AFG2A: variants seen among roughly 807,000 people sequenced by gnomAD.
The protein encoded by AFG2A is ATPase family gene 2 protein homolog A.
the AFG2A span, among the ~76,000 whole-genome samples, chr4:123,263,794 CAG>C: frequency 3.9e-5 from 6 of 152,276 alleles, no homozygotes; most frequent in East Asian, 1.2e-3. Flanking sequence ...CTATGGAAAA[CAG>C]TGTAGAGATT....
chr4:123,120,606 C>T, the AFG2A span, among the ~76,000 whole-genome samples: 1 of 152,144 alleles, frequency 6.6e-6, no homozygotes, highest in African/African-American at 2.4e-5. Context: ...CAACATCAGA[C>T]TGCATGTACA....
At chr4:123,068,979 C>T in the AFG2A span, among the ~76,000 whole-genome samples, 2 of 152,058 alleles carry the variant, frequency 1.3e-5, no homozygotes, top group East Asian at 1.9e-4. Flanking sequence ...TCAAAGAACT[C>T]CAAAAAGAAT....
chr4:122,941,043 G>T, the AFG2A span, among the ~76,000 whole-genome samples: 1 of 150,098 alleles, frequency 6.7e-6, no homozygotes, highest in Non-Finnish European at 1.5e-5. Context: ...TGGCCTTGTA[G>T]TATAGTTTGA....
At chr4:123,084,548 ATATC>A in the AFG2A span, among the ~76,000 whole-genome samples, 4 of 151,152 alleles carry the variant, frequency 2.6e-5, no homozygotes, top group African/African-American at 7.3e-5. Context: ...TTATAGATAT[ATATC>A]TATAAAACTA....
chr4:123,177,379 GACGGGGTTTC>G, the AFG2A span, among the ~76,000 whole-genome samples: 1 of 151,946 alleles, frequency 6.6e-6, no homozygotes, highest in Non-Finnish European at 1.5e-5. Context: ...TTTTAGTAGA[GACGGGGTTTC>G]ACCGTGTTGG....
At chr4:123,086,081 G>C in the AFG2A span, among the ~76,000 whole-genome samples, 109,054 of 151,916 alleles carry the variant, frequency 0.72, 39,794 homozygotes, top group East Asian at 0.97. Flanking sequence ...ACAAGCTTTT[G>C]TTAGATCAGT....
chr4:122,962,090 G>T, the AFG2A span, among the ~76,000 whole-genome samples: 3 of 152,114 alleles, frequency 2.0e-5, no homozygotes, highest in Admixed American at 6.5e-5. Context: ...TTTCCCTCAC[G>T]TGCACAATTC....
the AFG2A span, among the ~76,000 whole-genome samples, chr4:123,212,944 C>T: frequency 1.5e-3 from 222 of 152,190 alleles, no homozygotes; most frequent in Non-Finnish European, 2.4e-3. Flanking sequence ...TAACACAGAG[C>T]CTGTTATATG....
chr4:123,288,724 C>T, the AFG2A span, among the ~76,000 whole-genome samples: 1 of 152,154 alleles, frequency 6.6e-6, no homozygotes, highest in Admixed American at 6.5e-5. Flanking sequence ...TCTAATTTTT[C>T]TATAGAAGAG....
chr4:123,249,252 G>A, the AFG2A span, among the ~76,000 whole-genome samples: 2 of 151,584 alleles, frequency 1.3e-5, no homozygotes, highest in Admixed American at 1.3e-4. Flanking sequence ...TCTGAGCAGA[G>A]GGAGAAATAT....
At chr4:123,019,791 G>A in the AFG2A span, among the ~76,000 whole-genome samples, 1 of 151,868 alleles carries the variant, frequency 6.6e-6, no homozygotes, top group Non-Finnish European at 1.5e-5. Context: ...ACTCATCTTT[G>A]TGCCCCTACA....
At chr4:123,190,565 A>G in the AFG2A span, among the ~76,000 whole-genome samples, 1 of 152,166 alleles carries the variant, frequency 6.6e-6, no homozygotes, top group Admixed American at 6.5e-5. Flanking sequence ...GGGTACCTCT[A>G]TCTTCTCTTC....
At chr4:123,051,103 A>G in the AFG2A span, among the ~76,000 whole-genome samples, 2 of 151,954 alleles carry the variant, frequency 1.3e-5, no homozygotes, top group Non-Finnish European at 2.9e-5. Flanking sequence ...TTTAATATTG[A>G]TAGGCAAGGC....
chr4:123,224,935 T>C, the AFG2A span, among the ~76,000 whole-genome samples: 1 of 152,212 alleles, frequency 6.6e-6, no homozygotes, highest in Non-Finnish European at 1.5e-5. Context: ...TCATTGTGGT[T>C]TTGATTTGCA....
At chr4:123,019,006 T>G in the AFG2A span, among the ~76,000 whole-genome samples, 2 of 152,224 alleles carry the variant, frequency 1.3e-5, no homozygotes, top group East Asian at 3.9e-4. Context: ...TGAAGATAAT[T>G]TAATGGCTTA....
At chr4:123,083,574 C>CT in the AFG2A span, among the ~76,000 whole-genome samples, 67 of 110,010 alleles carry the variant, frequency 6.1e-4, no homozygotes, top group African/African-American at 1.5e-3. Context: ...TTTTTTTTTT[C>CT]TTTTTTTTTT....
chr4:123,304,058 T>C, the AFG2A span, among the ~76,000 whole-genome samples: 1 of 152,108 alleles, frequency 6.6e-6, no homozygotes, highest in Non-Finnish European at 1.5e-5. Flanking sequence ...TGGTTTTCAG[T>C]GAAGTGGCAT....
the AFG2A span, among the ~76,000 whole-genome samples, chr4:123,023,916 C>T: frequency 1.3e-5 from 2 of 151,832 alleles, no homozygotes; most frequent in East Asian, 1.9e-4. Context: ...GGGGGCCCTC[C>T]GAGGCCTCTA....
chr4:123,195,885 C>T, the AFG2A span, among the ~76,000 whole-genome samples: 2 of 152,148 alleles, frequency 1.3e-5, no homozygotes, highest in African/African-American at 4.8e-5. Context: ...TATATTTTTC[C>T]CCATCCTACC....
Sources: gnomAD v4.1 joint callset for allele counts (sites outside exome capture counted in the v4.1 genomes callset) on GRCh38, gnomAD v4.1.1 for gene constraint, MANE v1.5 for transcripts, NCBI Gene and HGNC (gene_info 2026-07-23, HGNC 2026-07-21) for gene names.